DDAH1: variants seen among roughly 807,000 people sequenced by gnomAD.
The protein encoded by DDAH1 is N(G),N(G)-dimethylarginine dimethylaminohydrolase 1.
In DDAH1, 19 loss-of-function variants were observed where a neutral mutation model predicts 28.8. That is an observed-to-expected ratio of 0.66 (90% CI 0.46 to 0.97). The LOEUF is 0.97. Among genes scored for constraint, DDAH1 ranks in the 50% least tolerant of loss-of-function variants. The probability of loss-of-function intolerance (pLI) is 0.00; values close to 1 mark genes in which losing one functional copy is unlikely to be tolerated. For missense variants in DDAH1, 326 were observed against 375.9 expected (o/e 0.87, Z 1.10); for synonymous variants, 153 against 154.4 (o/e 0.99, Z 0.07).
chr1:85,347,204 G>A (rs1557497991), intron 4 of DDAH1, among the ~76,000 whole-genome samples: 4 of 152,252 alleles, frequency 2.6e-5, no homozygotes, highest in Non-Finnish European at 5.9e-5. Context: ...GGAAGACAGT[G>A]TGGCGATTCC....
intron 1 of DDAH1, among the ~76,000 whole-genome samples, chr1:85,558,063 T>C (rs549967010): frequency 6.9e-6 from 1 of 144,434 alleles, no homozygotes; most frequent in East Asian, 2.0e-4. Context: ...TCCAAACCAG[T>C]AAAAAAAAAA....
Position 85,417,839 on chromosome 1 carries a change from T to A in DDAH1, c.303+46904A>T, listed in dbSNP as rs533351562. Among the ~76,000 whole-genome samples the A allele has an allele frequency of 7.9e-4, 120 of 152,298 alleles. 1 individual carries two copies. In the Middle Eastern group the frequency reaches 0.01, roughly 13 times the overall value. On this transcript the variant is annotated intron_variant, in intron 1 of 5. Coordinates refer to ENST00000284031, the MANE Select transcript of DDAH1 (RefSeq NM_012137.4). ...CAAGATAATTGAAAAATACCCTGAT[T>A]TGAAAACTAAAAATAGGCAATTCAT...
rs1021400076 is a variant in DDAH1 at position 85,509,299 on chromosome 1, C to T, written c.-122-13018G>A. Among the ~76,000 whole-genome samples, 3 of 152,298 alleles carry T rather than the reference C, an allele frequency of 2.0e-5. No individual in the cohort carries two copies. In the East Asian group the frequency reaches 5.8e-4, roughly 29 times the overall value. On this transcript the variant is annotated intron_variant, in intron 1 of 6. Transcript: ENST00000426972. ...AACAAACAGAAAGGAATAGCATCAA[C>T]ATCAACAAAAAGGTCATCTACATGA...
intron 1 of DDAH1, chr1:85,376,662 G>C (rs1650684759): frequency 6.6e-6 from 1 of 150,494 alleles, no homozygotes; most frequent in African/African-American, 2.4e-5. Context: ...GGAGAAAAGT[G>C]AAATTCACTC....
chr1:85,364,619 C>T (rs1425978961), intron 1 of DDAH1, among the ~76,000 whole-genome samples: 1 of 151,860 alleles, frequency 6.6e-6, no homozygotes, highest in Non-Finnish European at 1.5e-5. Context: ...ATGATTTTGG[C>T]TCACTGCAAC....
intron 1 of DDAH1, among the ~76,000 whole-genome samples, chr1:85,544,878 T>C (rs112075364): frequency 1.3e-5 from 2 of 152,238 alleles, no homozygotes; most frequent in African/African-American, 4.8e-5. Context: ...CCAAAGGGCC[T>C]ATTCACCCTG....
chr1:85,523,154 TGAA>T (rs1189460614), intron 1 of DDAH1, among the ~76,000 whole-genome samples: 1 of 151,954 alleles, frequency 6.6e-6, no homozygotes, highest in Non-Finnish European at 1.5e-5. Flanking sequence ...CTCACGCAGT[TGAA>T]GGAGGGTAGG....
At chr1:85,435,916 G>T (rs1222231871) in intron 1 of DDAH1, among the ~76,000 whole-genome samples, 2 of 151,674 alleles carry the variant, frequency 1.3e-5, no homozygotes, top group Non-Finnish European at 2.9e-5. Flanking sequence ...TCAGCCTCCC[G>T]AGTAGCTGGG....
rs533451896 is a variant in DDAH1 at position 85,325,334 on chromosome 1, C to T, written c.598-451G>A. On this transcript the variant is annotated intron_variant, in intron 4 of 5. Transcript: ENST00000284031. ...AATCTGATTAATCAGTAACACCACA[C>T]GTGTGTGCATGCACGTGCGTGCGCG... Among the ~76,000 whole-genome samples, 109 of 150,322 alleles carry T rather than the reference C, an allele frequency of 7.3e-4. 1 individual carries two copies. The highest frequency in any genetic ancestry group is 2.6e-3 in the African/African-American group (107 of 40,944).
intron 2 of DDAH1, among the ~76,000 whole-genome samples, chr1:85,475,631 C>T (rs2100708966): frequency 6.6e-6 from 1 of 152,270 alleles, no homozygotes; most frequent in Non-Finnish European, 1.5e-5. Context: ...CATGTAAACA[C>T]TGTCAGATTA....
intron 1 of DDAH1, among the ~76,000 whole-genome samples, chr1:85,363,965 G>T: frequency 7.5e-6 from 1 of 132,472 alleles, no homozygotes; most frequent in African/African-American, 2.9e-5. Flanking sequence ...CACAGCCCTT[G>T]CTTGCCTCTG....
chr1:85,514,752 G>A (rs1279287665), intron 1 of DDAH1, among the ~76,000 whole-genome samples: 3 of 151,862 alleles, frequency 2.0e-5, no homozygotes, highest in Non-Finnish European at 4.4e-5. Context: ...GCTAGTGGGA[G>A]CCCTTTCACA....
chr1:85,537,158 C>A (rs1658315992), intron 1 of DDAH1, among the ~76,000 whole-genome samples: 1 of 151,254 alleles, frequency 6.6e-6, no homozygotes, highest in Non-Finnish European at 1.5e-5. Context: ...CTGGCAAAAC[C>A]TCATCTCTAC....
At chr1:85,431,974 T>C (rs1258606102) in intron 1 of DDAH1, among the ~76,000 whole-genome samples, 1 of 152,212 alleles carries the variant, frequency 6.6e-6, no homozygotes, top group African/African-American at 2.4e-5. Flanking sequence ...CAATCTAATG[T>C]TAACACAAAC....
At chr1:85,541,111 T>C (rs2100785338) in intron 1 of DDAH1, among the ~76,000 whole-genome samples, 1 of 152,296 alleles carries the variant, frequency 6.6e-6, no homozygotes, top group Non-Finnish European at 1.5e-5. Flanking sequence ...TCACCAAGCA[T>C]GTCACCACTA....
Position 85,320,865 on chromosome 1 carries a change from G to A in DDAH1, c.*587C>T, listed in dbSNP as rs899103467. On this transcript the variant is annotated 3_prime_UTR_variant, in exon 6 of 6. Coordinates refer to ENST00000284031, the MANE Select transcript of DDAH1 (RefSeq NM_012137.4). ...TTGGTGGCAGATGTAGTCAGAGGCA[G>A]AGGAGACCAATGGCAGACAGGGTGG... The A allele has an allele frequency of 2.0e-5, 3 of 152,376 alleles. No homozygotes were observed. Among genetic ancestry groups the A allele is most frequent in the African/African-American group, 7.3e-5 (3 of 41,374 alleles). The allele number at this position is 152,376 out of a possible 1,614,324, so 9.4% of individuals were successfully genotyped here.
intron 1 of DDAH1, among the ~76,000 whole-genome samples, chr1:85,416,888 G>A (rs1570512753): frequency 6.6e-6 from 1 of 151,718 alleles, no homozygotes; most frequent in Non-Finnish European, 1.5e-5. Context: ...GGCTGGTCTC[G>A]AACTCCCAGG....
At chr1:85,390,032 C>T (rs1334467926) in intron 1 of DDAH1, among the ~76,000 whole-genome samples, 1 of 152,092 alleles carries the variant, frequency 6.6e-6, no homozygotes, top group African/African-American at 2.4e-5. Flanking sequence ...AAATTCTAGT[C>T]GTTTTTATAT....
chr1:85,499,388 C>T (rs539836883), intron 1 of DDAH1, among the ~76,000 whole-genome samples: 58 of 152,134 alleles, frequency 3.8e-4, no homozygotes, highest in African/African-American at 1.3e-3. Flanking sequence ...AAAGAAACTT[C>T]TTGAGGCCGG....
Sources: gnomAD v4.1 joint callset for allele counts (sites outside exome capture counted in the v4.1 genomes callset) on GRCh38, gnomAD v4.1.1 for gene constraint, MANE v1.5 for transcripts, NCBI Gene and HGNC (gene_info 2026-07-23, HGNC 2026-07-21) for gene names.